Variants in TNC observed in about 807,000 individuals in gnomAD.
The protein encoded by TNC is tenascin.
In TNC, 109 loss-of-function variants were observed where a neutral mutation model predicts 202.4. The ratio of observed to expected loss-of-function variants is 0.54; its 90% CI spans 0.46 to 0.63. The LOEUF (loss-of-function observed/expected upper bound fraction) is 0.63. Among genes scored for constraint, TNC ranks in the 30% least tolerant of loss-of-function variants. TNC has a pLI of 0.00. For missense variants in TNC, 2,756 were observed against 2,833.3 expected, an observed-to-expected ratio of 0.97 and a Z score of 0.62; for synonymous variants, 1,007 against 1,089.7, an observed-to-expected ratio of 0.92 and a Z score of 1.50.
Position 115,048,332 on chromosome 9 carries a change from C to T in TNC, c.4780G>A (p.Gly1594Ser), listed in dbSNP as rs1289334168. 1 of 1,614,032 alleles carries T rather than the reference C, an allele frequency of 6.2e-7. No homozygotes were observed. Among genetic ancestry groups the T allele is most frequent in the Non-Finnish European group, 8.5e-7 (1 of 1,179,948 alleles). ...AAGCCAGAGACCATAACCTCATAGC[C>T]AATGCCAGTTATGAGGCCTCTAAGC... ...LELRGLITGI[G>S]YEVMVSGFTQ... is the part of the protein sequence containing the mutation. The change falls in exon 16 of 28, where the codon GGC (glycine) becomes AGC (serine). Residue 1594 changes from glycine (G) to serine (S), a missense_variant. Physicochemically the swap from Gly to Ser is moderately conservative, Grantham distance 56. Transcript: ENST00000350763.
At position 115,035,218 on chromosome 9, in the gene TNC, C is replaced by G; in HGVS notation, c.5773G>C (p.Asp1925His). The G allele has an allele frequency of 6.2e-7, 1 of 1,612,052 alleles. No individual in the cohort carries two copies. Among genetic ancestry groups the G allele is most frequent in the South Asian group, 1.1e-5 (1 of 90,692 alleles). Residue 1925 changes from aspartate (D) to histidine (H), a missense_variant, in exon 22 of 28, where the codon GAT becomes CAT. This residue lies in a region of TNC where 2,559 missense variants were observed against 2,546.0 expected (regional missense o/e 1.01). Transcript: ENST00000350763. ...TGYLLVYESVDGTVKEVIVGP... is the reference protein window; with the variant it reads ...TGYLLVYESVHGTVKEVIVGP... Reference sequence around the variant, plus strand: ...ACTTAAAATACCTTGACTGTGCCATCCACTGATTCATAGACCAGCAGGTAA... The same window carrying G: ...ACTTAAAATACCTTGACTGTGCCATGCACTGATTCATAGACCAGCAGGTAA...
chr9:115,117,867 A>G (rs1471079598), intron 1 of TNC, 115 bp downstream of exon 1: 2 of 150,898 alleles, frequency 1.3e-5, no homozygotes, highest in Admixed American at 1.3e-4. Flanking sequence ...CCAGCGGTGG[A>G]AAAAAAAACC....
rs1834006766 is a variant in TNC, at chr9:115,077,979, T to G, written c.2638A>C (p.Met880Leu). The change falls in exon 7 of 28, where the codon ATG becomes CTG. Residue 880 changes from methionine (M) to leucine (L), a missense_variant. This residue lies in a region of TNC where 2,559 missense variants were observed against 2,546.0 expected (regional missense o/e 1.01). Coordinates refer to ENST00000350763, the MANE Select transcript of TNC (RefSeq NM_002160.4). ...GTCTCTTTGGCTGGGTTGCTTGACA[T>G]GTCACCTCTGCGGGAGATGAGGGAC... is the stretch of plus-strand genomic sequence containing the variant. ...EVSLISRRGDMSSNPAKETFT... is the reference protein window; with the variant it reads ...EVSLISRRGDLSSNPAKETFT... 3 of 1,614,214 alleles carry G rather than the reference T, an allele frequency of 1.9e-6. No individual in the cohort carries two copies. Among genetic ancestry groups the G allele is most frequent in the Middle Eastern group, 1.6e-4 (1 of 6,062 alleles).
At chr9:115,114,289 C>T (rs1376729402) in intron 1 of TNC, among the ~76,000 whole-genome samples, 1 of 152,218 alleles carries the variant, frequency 6.6e-6, no homozygotes, top group African/African-American at 2.4e-5. Context: ...GAGGCTTCCG[C>T]TGAATTTGTG....
chr9:115,104,249 T>C (rs567343112), intron 1 of TNC, among the ~76,000 whole-genome samples: 92 of 152,304 alleles, frequency 6.0e-4, no homozygotes, highest in Non-Finnish European at 1.0e-3. Flanking sequence ...TTCAGAAGCA[T>C]TGAATAGTGA....
Position 115,073,678 on chromosome 9 carries a change from G to A in TNC, c.3139C>T (p.Gln1047Ter). Residue 1047 changes from glutamine to a stop codon, truncating the protein, a stop_gained, in exon 10 of 28, where the codon CAG becomes TAG. Coordinates refer to ENST00000350763, the MANE Select transcript of TNC (RefSeq NM_002160.4). LOFTEE classifies it high-confidence loss of function. ...GCTGTCAGGAGGACATTGTACTCCTGTCCTGGTTCCAGGCCTCTCAGGACA... is the reference window on the plus strand; with the variant it reads ...GCTGTCAGGAGGACATTGTACTCCTATCCTGGTTCCAGGCCTCTCAGGACA... ...SYVLRGLEPG[Q>*]EYNVLLTAEK... 1 of 1,614,144 alleles carries A rather than the reference G, an allele frequency of 6.2e-7. No homozygotes were observed. The highest frequency in any genetic ancestry group is 8.5e-7 in the Non-Finnish European group (1 of 1,180,012).
intron 20 of TNC, among the ~76,000 whole-genome samples, 176 bp from the exon 21 acceptor site, chr9:115,036,417 C>T (rs1318572323): frequency 6.6e-6 from 1 of 152,164 alleles, no homozygotes; most frequent in African/African-American, 2.4e-5. Flanking sequence ...GAGCACTCAC[C>T]TCATACGTAA....
At chr9:115,109,793 ATGT>A (rs1836900760) in intron 1 of TNC, among the ~76,000 whole-genome samples, 1 of 152,236 alleles carries the variant, frequency 6.6e-6, no homozygotes. Context: ...CTCCTATCAC[ATGT>A]TGTGTCATCA....
intron 14 of TNC, among the ~76,000 whole-genome samples, chr9:115,059,362 A>C (rs991282096): frequency 4.6e-5 from 7 of 152,236 alleles, no homozygotes; most frequent in Admixed American, 4.6e-4. Flanking sequence ...GTGTTCCACC[A>C]GAACTCATAT....
At chr9:115,022,885 T>G (rs940591621) in intron 27 of TNC, among the ~76,000 whole-genome samples, 1 of 152,132 alleles carries the variant, frequency 6.6e-6, no homozygotes, top group African/African-American at 2.4e-5. Context: ...CAGGTGTCAT[T>G]TGCTAGCAGT....
At chr9:115,091,198 G>C (rs1285405412) in intron 1 of TNC, 44 bp from the exon 2 acceptor site, 2 of 589,432 alleles carry the variant, frequency 3.4e-6, no homozygotes, top group East Asian at 5.6e-5. Context: ...ATCTACTATT[G>C]AATATATTGA....
At chr9:115,103,330 G>T (rs1836375031) in intron 1 of TNC, among the ~76,000 whole-genome samples, 1 of 152,198 alleles carries the variant, frequency 6.6e-6, no homozygotes, top group Admixed American at 6.5e-5. Flanking sequence ...TGGGTTATTA[G>T]TTAGTAACCC....
intron 8 of TNC, 131 bp from the exon 9 acceptor site, chr9:115,076,252 T>G: frequency 7.1e-7 from 1 of 1,400,606 alleles, no homozygotes; most frequent in Non-Finnish European, 1.0e-6. Context: ...AAGAACTCAC[T>G]GCAATCCAAT....
chr9:115,104,533 G>A (rs2134126733), intron 1 of TNC, among the ~76,000 whole-genome samples: 1 of 152,250 alleles, frequency 6.6e-6, no homozygotes, highest in South Asian at 2.1e-4. Flanking sequence ...CTTATCTGCT[G>A]GGGAGCCTTG....
intron 1 of TNC, among the ~76,000 whole-genome samples, chr9:115,093,686 C>T (rs1458572782): frequency 2.7e-5 from 4 of 150,714 alleles, no homozygotes; most frequent in African/African-American, 9.8e-5. Flanking sequence ...TTCTCCCCAA[C>T]ACTTTTCTGT....
At chr9:115,059,020 A>C (rs1029081470) in intron 14 of TNC, among the ~76,000 whole-genome samples, 2 of 152,204 alleles carry the variant, frequency 1.3e-5, no homozygotes, top group Non-Finnish European at 2.9e-5. Flanking sequence ...GTTCTTTGAC[A>C]TTCATAGCCC....
chr9:115,080,266 T>C (rs1834202819), intron 6 of TNC, among the ~76,000 whole-genome samples: 1 of 152,208 alleles, frequency 6.6e-6, no homozygotes, highest in African/African-American at 2.4e-5. Context: ...GTGCACCTCC[T>C]CCATAGCAAC....
chr9:115,077,302 C>T (rs984693328), intron 7 of TNC, among the ~76,000 whole-genome samples: 3 of 152,056 alleles, frequency 2.0e-5, no homozygotes, highest in African/African-American at 7.2e-5. Flanking sequence ...GTGATTCGCC[C>T]GCCTTGGCCT....
At position 115,086,772 on chromosome 9, in the gene TNC, A is replaced by G. The variant is rs1834780648; in HGVS notation, c.959T>C (p.Phe320Ser). The G allele has an allele frequency of 1.2e-6, 2 of 1,613,676 alleles. No individual in the cohort carries two copies. Among genetic ancestry groups the G allele is most frequent in the Non-Finnish European group, 1.7e-6 (2 of 1,179,966 alleles). Residue 320 changes from phenylalanine to serine, a missense_variant, in exon 3 of 28, where the codon TTC (phenylalanine) becomes TCC (serine). Phe to Ser is a radical substitution (Grantham distance 155). Around this residue, in one of 2 missense-constraint regions of TNC, gnomAD observed 2,559 missense variants for 2,546.0 expected, o/e 1.01. Transcript: ENST00000350763. ...GCCATTGATGCAGCGGCCCCGGTCG[A>G]AGCAGTCATTGGGGCAGATGAGCTC... ...CSELICPNDC[F>S]DRGRCINGTC...
Sources: allele counts gnomAD v4.1 joint callset (sites outside exome capture counted in the v4.1 genomes callset), GRCh38; gene constraint gnomAD v4.1.1; regional missense constraint gnomAD v4.1.1; transcripts MANE v1.5; gene names NCBI Gene and HGNC (gene_info 2026-07-23, HGNC 2026-07-21).